Variants in SORCS1 observed in about 807,000 individuals in gnomAD.
The protein encoded by SORCS1 is VPS10 domain-containing receptor SorCS1.
Under a neutral mutation model 146.1 loss-of-function variants are expected in SORCS1, and 60 were observed. The ratio of observed to expected loss-of-function variants is 0.41; its 90% CI spans 0.33 to 0.51. SORCS1 has a LOEUF of 0.51. SORCS1 is among the 20% of genes least tolerant of loss of function. The probability of loss-of-function intolerance (pLI) is 0.21; values close to 1 mark genes in which losing one functional copy is unlikely to be tolerated. For missense variants in SORCS1, 1,352 were observed against 1,487.6 expected, an observed-to-expected ratio of 0.91 and a Z score of 1.50; for synonymous variants, 637 against 584.0, an observed-to-expected ratio of 1.09 and a Z score of -1.31.
chr10:106,800,250 G>A (rs1946797323), intron 3 of SORCS1, among the ~76,000 whole-genome samples: 1 of 151,986 alleles, frequency 6.6e-6, no homozygotes, highest in African/African-American at 2.4e-5. Context: ...GTACCAGTAG[G>A]ACTCACCCAC....
At chr10:107,029,370 C>T (rs1344904366) in intron 1 of SORCS1, among the ~76,000 whole-genome samples, 1 of 152,102 alleles carries the variant, frequency 6.6e-6, no homozygotes, top group Non-Finnish European at 1.5e-5. Flanking sequence ...AAAAGAATTC[C>T]CACTAAATCT....
intron 3 of SORCS1, among the ~76,000 whole-genome samples, chr10:106,809,216 T>C (rs1459043719): frequency 6.6e-6 from 1 of 151,598 alleles, no homozygotes; most frequent in African/African-American, 2.4e-5. Context: ...ACAATAAAAA[T>C]AAATAAATAA....
At chr10:106,713,167 T>A (rs1030809956) in intron 6 of SORCS1, among the ~76,000 whole-genome samples, 2 of 150,772 alleles carry the variant, frequency 1.3e-5, no homozygotes, top group African/African-American at 2.5e-5. Context: ...ATATAACGAG[T>A]ATGACAACTA....
At chr10:106,964,285 C>T (rs945543694) in intron 1 of SORCS1, among the ~76,000 whole-genome samples, 3 of 151,992 alleles carry the variant, frequency 2.0e-5, no homozygotes, top group Admixed American at 6.6e-5. Flanking sequence ...AACCAGAAGA[C>T]GACCAGATTT....
At chr10:106,761,741 T>G in intron 4 of SORCS1, 80 bp from the exon 5 acceptor site, 2 of 1,136,014 alleles carry the variant, frequency 1.8e-6, no homozygotes, top group Non-Finnish European at 2.6e-6. Flanking sequence ...GGATCAATAG[T>G]AATAATAATA....
intron 6 of SORCS1, among the ~76,000 whole-genome samples, chr10:106,724,482 GAC>G (rs1463336280): frequency 2.0e-5 from 3 of 150,536 alleles, no homozygotes; most frequent in Non-Finnish European, 4.4e-5. Flanking sequence ...CAGCCTAGGA[GAC>G]AGAGTGAGAC....
chr10:106,935,004 C>T (rs931624416), intron 2 of SORCS1, among the ~76,000 whole-genome samples: 1 of 152,024 alleles, frequency 6.6e-6, no homozygotes, highest in Non-Finnish European at 1.5e-5. Flanking sequence ...AAATCTCAGA[C>T]TTCATCACTA....
chr10:106,757,405 C>T (rs996474001), intron 5 of SORCS1, among the ~76,000 whole-genome samples: 4 of 152,150 alleles, frequency 2.6e-5, no homozygotes, highest in Admixed American at 6.5e-5. Flanking sequence ...CTTTTAACTA[C>T]GCTTGCTGAA....
At chr10:106,633,434 A>C (rs1848551411) in intron 18 of SORCS1, among the ~76,000 whole-genome samples, 2 of 152,140 alleles carry the variant, frequency 1.3e-5, no homozygotes, top group South Asian at 4.1e-4. Flanking sequence ...TCTAACTGTG[A>C]TTTTGGACAC....
intron 2 of SORCS1, among the ~76,000 whole-genome samples, chr10:106,868,023 G>A (rs1950281597): frequency 1.3e-5 from 2 of 151,810 alleles, no homozygotes; most frequent in Admixed American, 1.3e-4. Flanking sequence ...AATCAAATAG[G>A]AAACAGAAAA....
At chr10:107,115,603 T>C (rs1424437334) in intron 1 of SORCS1, among the ~76,000 whole-genome samples, 3 of 152,150 alleles carry the variant, frequency 2.0e-5, no homozygotes, top group Admixed American at 1.3e-4. Context: ...TAACTCAAAA[T>C]GGATTAAAAA....
At chr10:106,582,214 C>T (rs1844964303) in intron 24 of SORCS1, among the ~76,000 whole-genome samples, 2 of 152,138 alleles carry the variant, frequency 1.3e-5, no homozygotes. Flanking sequence ...CCCAGGTTGT[C>T]TTTCGATTCT....
intron 1 of SORCS1, among the ~76,000 whole-genome samples, chr10:106,977,588 G>GAT (rs1251966662): frequency 2.1e-5 from 2 of 94,532 alleles, no homozygotes; most frequent in African/African-American, 6.0e-5. Flanking sequence ...TCATTCATTG[G>GAT]ATTTTTTTTT....
At chr10:106,794,648 G>A (rs950432425) in intron 3 of SORCS1, among the ~76,000 whole-genome samples, 2 of 151,602 alleles carry the variant, frequency 1.3e-5, no homozygotes, top group African/African-American at 2.4e-5. Context: ...AACTACAGGC[G>A]CCCGCCACCA....
At chr10:106,912,002 A>C (rs1952183504) in intron 2 of SORCS1, among the ~76,000 whole-genome samples, 1 of 151,760 alleles carries the variant, frequency 6.6e-6, no homozygotes, top group Non-Finnish European at 1.5e-5. Flanking sequence ...AGTCCCAGCT[A>C]CTCAGGAGGC....
the SORCS1 span, among the ~76,000 whole-genome samples, chr10:107,175,707 G>T: frequency 6.6e-6 from 1 of 152,052 alleles, no homozygotes; most frequent in Admixed American, 6.6e-5. Flanking sequence ...AAGTGCTGGG[G>T]ATTATTGGTG....
intron 21 of SORCS1, among the ~76,000 whole-genome samples, chr10:106,612,606 T>G (rs1847082001): frequency 6.6e-6 from 1 of 151,876 alleles, no homozygotes; most frequent in South Asian, 2.1e-4. Context: ...GCAGCCATGT[T>G]GCCAGTCACA....
At chr10:106,713,727 C>T (rs73380334) in intron 6 of SORCS1, among the ~76,000 whole-genome samples, 5,698 of 152,108 alleles carry the variant, frequency 0.037, 317 homozygotes, top group African/African-American at 0.12. Flanking sequence ...GTGGTTGCAA[C>T]GTGGTTAGAC....
chr10:106,587,293 C>A (rs1268185528), intron 24 of SORCS1, among the ~76,000 whole-genome samples: 1 of 152,196 alleles, frequency 6.6e-6, no homozygotes, highest in Non-Finnish European at 1.5e-5. Context: ...GATAAACTTA[C>A]TGGCTGTGGA....
Sources: gnomAD v4.1 joint callset for allele counts (sites outside exome capture counted in the v4.1 genomes callset) on GRCh38, gnomAD v4.1.1 for gene constraint, MANE v1.5 for transcripts, NCBI Gene and HGNC (gene_info 2026-07-23, HGNC 2026-07-21) for gene names.